Variants in LDLRAD4 observed in about 807,000 individuals in gnomAD.
The protein encoded by LDLRAD4 is low-density lipoprotein receptor class A domain-containing protein 4.
LDLRAD4 carries 5 observed loss-of-function variants against 17.0 expected under a neutral mutation model. The ratio of observed to expected loss-of-function variants is 0.29; its 90% CI spans 0.15 to 0.62. The LOEUF (loss-of-function observed/expected upper bound fraction) is 0.62. Among genes scored for constraint, LDLRAD4 ranks in the 20% least tolerant of loss-of-function variants. The pLI, the probability that LDLRAD4 is intolerant of heterozygous loss-of-function variation, is 0.84. For synonymous variants in LDLRAD4, 168 were observed against 171.8 expected (o/e 0.98, Z 0.17); for missense variants, 340 against 424.7 (o/e 0.80, Z 1.75).
At chr18:13,317,297 A>G (rs890077539) in intron 1 of LDLRAD4, among the ~76,000 whole-genome samples, 24 of 152,206 alleles carry the variant, frequency 1.6e-4, no homozygotes, top group African/African-American at 5.3e-4. Context: ...GATAGCTTCA[A>G]CCTGTAGAGA....
rs753060241 is a variant in LDLRAD4, at chr18:13,645,392, T to C, written c.656T>C (p.Ile219Thr). The C allele has an allele frequency of 1.2e-6, 2 of 1,614,158 alleles. No homozygotes were observed. The highest frequency in any genetic ancestry group is 1.7e-6 in the Non-Finnish European group (2 of 1,180,034). Residue 219 changes from isoleucine (I) to threonine (T), a missense_variant, in exon 6 of 6, where the codon ATA becomes ACA. Transcript: ENST00000359446. This position sits in a 1 kb window ranked among gnomAD's most constrained non-coding sequence, Gnocchi z 5.7. ...CGAACCATATTTGACAGTGATTTAATAGACATTGCTATGTATAGCGGGGGT... is the reference window on the plus strand; with the variant it reads ...CGAACCATATTTGACAGTGATTTAACAGACATTGCTATGTATAGCGGGGGT...
chr18:13,319,701 G>T (rs1366566793), intron 1 of LDLRAD4, among the ~76,000 whole-genome samples: 1 of 152,084 alleles, frequency 6.6e-6, no homozygotes, highest in Non-Finnish European at 1.5e-5. Context: ...AGAGTGATTA[G>T]GTCTATCAAA....
chr18:13,251,779 A>G (rs763515195), intron 1 of LDLRAD4, among the ~76,000 whole-genome samples: 1 of 152,360 alleles, frequency 6.6e-6, no homozygotes, highest in Middle Eastern at 3.4e-3. Flanking sequence ...AGATGACCAT[A>G]CTGCCCAAAG....
chr18:13,594,930 A>G (rs888137403), intron 3 of LDLRAD4, among the ~76,000 whole-genome samples: 2 of 152,006 alleles, frequency 1.3e-5, no homozygotes, highest in African/African-American at 2.4e-5. Flanking sequence ...TTTCAGGTCT[A>G]TTGAGATTTG....
At chr18:13,368,396 G>T (rs1290587146) in intron 1 of LDLRAD4, among the ~76,000 whole-genome samples, 1 of 152,176 alleles carries the variant, frequency 6.6e-6, no homozygotes, top group Non-Finnish European at 1.5e-5. Flanking sequence ...GGTGTGCACT[G>T]CCCCGGCCTG....
intron 2 of LDLRAD4, among the ~76,000 whole-genome samples, chr18:13,403,048 G>C (rs1302097173): frequency 6.6e-6 from 1 of 152,184 alleles, no homozygotes; most frequent in Non-Finnish European, 1.5e-5. Flanking sequence ...AACAGTATTT[G>C]CTGTCCTGGA....
intron 1 of LDLRAD4, among the ~76,000 whole-genome samples, chr18:13,353,434 A>T (rs1303796073): frequency 6.6e-6 from 1 of 152,090 alleles, no homozygotes; most frequent in East Asian, 1.9e-4. Flanking sequence ...TAATTTTCTT[A>T]ATTTCCCCAA....
At chr18:13,252,104 C>G (rs1004740901) in intron 1 of LDLRAD4, among the ~76,000 whole-genome samples, 1 of 151,666 alleles carries the variant, frequency 6.6e-6, no homozygotes, top group Non-Finnish European at 1.5e-5. Flanking sequence ...ATATCTCTTG[C>G]CAGCTTCATT....
chr18:13,593,268 G>A (rs528364369), intron 3 of LDLRAD4, among the ~76,000 whole-genome samples: 26 of 152,322 alleles, frequency 1.7e-4, no homozygotes, highest in Non-Finnish European at 2.6e-4. Flanking sequence ...AGCCAAGATC[G>A]TGCCATTACA....
chr18:13,506,253 G>A (rs2093691748), intron 3 of LDLRAD4, among the ~76,000 whole-genome samples: 1 of 151,726 alleles, frequency 6.6e-6, no homozygotes, highest in African/African-American at 2.4e-5. Flanking sequence ...TAAGTTCTAG[G>A]GTACATGTGC....
intron 1 of LDLRAD4, among the ~76,000 whole-genome samples, chr18:13,245,893 T>G (rs1468751346): frequency 2.0e-5 from 3 of 152,214 alleles, no homozygotes; most frequent in Non-Finnish European, 4.4e-5. Flanking sequence ...AGGGGAACAG[T>G]GTGCAAAGTG....
intron 1 of LDLRAD4, among the ~76,000 whole-genome samples, chr18:13,347,056 A>G (rs575934230): frequency 2.0e-5 from 3 of 152,288 alleles, no homozygotes; most frequent in Admixed American, 2.0e-4. Context: ...TAACTGGAGC[A>G]TTTAGTTCAT....
At chr18:13,280,876 A>T (rs946178291) in intron 1 of LDLRAD4, among the ~76,000 whole-genome samples, 2 of 152,240 alleles carry the variant, frequency 1.3e-5, no homozygotes, top group Admixed American at 1.3e-4. Context: ...AACAATGAAA[A>T]AATAACCTTA....
intron 1 of LDLRAD4, among the ~76,000 whole-genome samples, chr18:13,348,215 G>T (rs2144299110): frequency 6.6e-6 from 1 of 152,166 alleles, no homozygotes; most frequent in South Asian, 2.1e-4. Context: ...ACCTACCTTT[G>T]GTCTTTGATG....
Position 13,406,695 on chromosome 18 carries a change from C to T in LDLRAD4, c.40+18933C>T, listed in dbSNP as rs76849564. On this transcript the variant is annotated intron_variant, in intron 2 of 5. Coordinates refer to ENST00000359446, the Ensembl canonical transcript of LDLRAD4. The stretch of plus-strand genomic sequence containing the variant: ...GGACAGGGTGGGAGGCTGTTTCCCA[C>T]GGTGCAGGCTGGGGCCGACTCCTAC... 9.2e-3 allele frequency among the ~76,000 whole-genome samples: 1,407 copies of T among 152,258 alleles called. 22 individuals carry two copies. The highest frequency in any genetic ancestry group is 0.031 in the African/African-American group (1,273 of 41,536).
At chr18:13,225,129 C>T (rs1346154784) in intron 1 of LDLRAD4, among the ~76,000 whole-genome samples, 2 of 152,194 alleles carry the variant, frequency 1.3e-5, no homozygotes, top group Non-Finnish European at 1.5e-5. Context: ...AGCCACTGCG[C>T]CAGGCCAAGA....
chr18:13,404,060 G>T (rs1165618609), intron 2 of LDLRAD4, among the ~76,000 whole-genome samples: 2 of 152,232 alleles, frequency 1.3e-5, no homozygotes, highest in Non-Finnish European at 2.9e-5. Flanking sequence ...GGCTAGGCTA[G>T]TGTGGCCCGG....
At chr18:13,447,981 G>A (rs138999490) in intron 3 of LDLRAD4, among the ~76,000 whole-genome samples, 1 of 152,336 alleles carries the variant, frequency 6.6e-6, no homozygotes, top group African/African-American at 2.4e-5. Context: ...GGGAGGCCAA[G>A]GGGTGGCCGG....
intron 1 of LDLRAD4, chr18:13,382,600 C>A (rs1243695817): frequency 6.6e-6 from 1 of 151,808 alleles, no homozygotes; most frequent in Non-Finnish European, 1.5e-5. Context: ...ATAAATAGAA[C>A]CTCCATGTGT....
Sources: allele counts gnomAD v4.1 joint callset (sites outside exome capture counted in the v4.1 genomes callset), GRCh38; gene constraint gnomAD v4.1.1; non-coding constraint Gnocchi (gnomAD v3.1); transcripts MANE v1.5; gene names NCBI Gene and HGNC (gene_info 2026-07-23, HGNC 2026-07-21).